The following PYM1 variants were observed in gnomAD, a reference collection of about 807,000 sequenced individuals.
The protein encoded by PYM1 is partner of Y14 and mago.
PYM1 carries 7 observed loss-of-function variants against 20.7 expected under a neutral mutation model. That is an observed-to-expected ratio of 0.34 (90% CI 0.19 to 0.64). PYM1 has a LOEUF of 0.64. Ranked by LOEUF, PYM1 falls within the 30% of genes least tolerant of loss-of-function variation. PYM1 has a pLI of 0.74. For synonymous variants in PYM1, 100 were observed against 99.2 expected, an observed-to-expected ratio of 1.01 and a Z score of -0.05; for missense variants, 194 against 250.0, an observed-to-expected ratio of 0.78 and a Z score of 1.51.
chr12:55,908,934 A>C (rs952521454), intron 1 of PYM1, among the ~76,000 whole-genome samples: 1 of 152,184 alleles, frequency 6.6e-6, no homozygotes. Flanking sequence ...AGAAAGAAAA[A>C]TCATGAGCAA....
chr12:55,904,823 G>A (rs1002621764), intron 1 of PYM1, among the ~76,000 whole-genome samples: 1 of 151,298 alleles, frequency 6.6e-6, no homozygotes, highest in Non-Finnish European at 1.5e-5. Flanking sequence ...GTTGCAGTGA[G>A]TCTCAAAAAA....
At chr12:55,923,198 TG>T (rs1234822224) in intron 1 of PYM1, among the ~76,000 whole-genome samples, 2 of 152,058 alleles carry the variant, frequency 1.3e-5, no homozygotes, top group Admixed American at 6.6e-5. Context: ...CACTCCAGCC[TG>T]GGCAACAAGA....
intron 1 of PYM1, chr12:55,926,949 G>A: frequency 3.0e-6 from 3 of 998,244 alleles, no homozygotes; most frequent in Non-Finnish European, 4.4e-6. Flanking sequence ...AGAATGAATG[G>A]GGAAGGCGGT....
At chr12:55,919,507 A>C (rs895519206) in intron 1 of PYM1, among the ~76,000 whole-genome samples, 1 of 152,166 alleles carries the variant, frequency 6.6e-6, no homozygotes, top group African/African-American at 2.4e-5. Context: ...TAGGTGTTTC[A>C]AGGATTCATA....
chr12:55,906,164 A>G (rs1432489424), intron 1 of PYM1, among the ~76,000 whole-genome samples: 1 of 148,332 alleles, frequency 6.7e-6, no homozygotes, highest in African/African-American at 2.5e-5. Flanking sequence ...TTTTTTTTTC[A>G]AGTAAAAAAT....
intron 1 of PYM1, among the ~76,000 whole-genome samples, chr12:55,905,889 T>A (rs1402143323): frequency 5.6e-5 from 4 of 71,386 alleles, no homozygotes; most frequent in Admixed American, 1.7e-4. Context: ...GATATATATA[T>A]TATTATATAT....
Position 55,903,418 on chromosome 12 carries a change from C to T in PYM1, c.100G>A (p.Glu34Lys). 1 of 1,614,128 alleles carries T rather than the reference C, an allele frequency of 6.2e-7. No homozygotes were observed. The highest frequency in any genetic ancestry group is 8.5e-7 in the Non-Finnish European group (1 of 1,180,032). Residue 34 changes from glutamate (E) to lysine (K), a missense_variant, in exon 2 of 3, where the codon GAA becomes AAA. This residue lies in a region of PYM1 where 17 missense variants were observed against 53.1 expected (regional missense o/e 0.32). Transcript: ENST00000408946. Reference sequence around the variant, plus strand: ...ACCTCCTCCTGGGGCACATATCCTTCTTTCACCCTCCGCTGCTTGCGCCAG... The same window carrying T: ...ACCTCCTCCTGGGGCACATATCCTTTTTTCACCCTCCGCTGCTTGCGCCAG... Reference protein sequence around the residue: ...GTWRKQRRVKEGYVPQEEVPV... With the variant: ...GTWRKQRRVKKGYVPQEEVPV...
At chr12:55,906,895 G>A (rs1054799833) in intron 1 of PYM1, among the ~76,000 whole-genome samples, 7 of 151,768 alleles carry the variant, frequency 4.6e-5, no homozygotes, top group African/African-American at 1.2e-4. Flanking sequence ...TGATCCACCC[G>A]CCTCGGCCTC....
chr12:55,901,908 T>C lies in PYM1; in HGVS notation c.579A>G (p.Leu193=), dbSNP rs775406472. 6 of 1,613,358 alleles carry C rather than the reference T, an allele frequency of 3.7e-6. No homozygotes were observed. The highest frequency in any genetic ancestry group is 1.6e-4 in the Middle Eastern group (1 of 6,076). Residue 193 remains leucine, a synonymous_variant, in exon 3 of 3, where the codon CTA becomes CTG. Coordinates refer to ENST00000408946, the MANE Select transcript of PYM1 (RefSeq NM_032345.3). ...ACTCCAAGTCCTCTAACTCCTCTTC[T>C]AGCGCCCTCCTCCTTGCTAGCTTTT... ...QLEKLARRRA[L]EEELEDLELG... is the part of the protein sequence containing the mutation.
At chr12:55,926,653 G>C (rs1883192775) in intron 1 of PYM1, among the ~76,000 whole-genome samples, 1 of 152,108 alleles carries the variant, frequency 6.6e-6, no homozygotes, top group Non-Finnish European at 1.5e-5. Flanking sequence ...AAAGCTTCGA[G>C]AAAAATAATG....
At chr12:55,927,344 AAC>A (rs777640366) in intron 1 of PYM1, 34 of 740,508 alleles carry the variant, frequency 4.6e-5, no homozygotes, top group Middle Eastern at 2.3e-4. Flanking sequence ...CTGCCTGTAA[AAC>A]AGTCCTCAGG....
chr12:55,918,829 C>CT (rs1883051955), intron 1 of PYM1, among the ~76,000 whole-genome samples: 1 of 152,222 alleles, frequency 6.6e-6, no homozygotes, highest in African/African-American at 2.4e-5. Flanking sequence ...GATTGCACCA[C>CT]TGCACTCCAG....
At position 55,903,491 on chromosome 12, in the gene PYM1, A is replaced by C. The variant is rs759720939; in HGVS notation, c.38-11T>G. The stretch of plus-strand genomic sequence containing the variant: ...ACGCGATATACTTGCCTAAAATAAG[A>C]AAAATCAAGTTGAAAATTACTCTTA... On this transcript the variant is annotated splice_polypyrimidine_tract_variant and intron_variant, in intron 1 of 2. Transcript: ENST00000408946. The C allele has an allele frequency of 6.2e-7, 1 of 1,612,876 alleles. No homozygotes were observed. Among genetic ancestry groups the C allele is most frequent in the East Asian group, 2.2e-5 (1 of 44,874 alleles).
intron 1 of PYM1, among the ~76,000 whole-genome samples, chr12:55,904,609 A>G (rs1486918494): frequency 6.8e-6 from 1 of 146,076 alleles, no homozygotes; most frequent in Non-Finnish European, 1.5e-5. Flanking sequence ...AAAAAAAAAA[A>G]AAAAAAAAAA....
At chr12:55,915,386 T>C (rs1171153759) in intron 1 of PYM1, among the ~76,000 whole-genome samples, 1 of 151,072 alleles carries the variant, frequency 6.6e-6, no homozygotes, top group Non-Finnish European at 1.5e-5. Context: ...GAGGCCAGAC[T>C]ACAAATTAAA....
intron 1 of PYM1, chr12:55,927,461 A>G (rs1883214627): frequency 1.4e-6 from 1 of 692,998 alleles, no homozygotes; most frequent in African/African-American, 1.8e-5. Flanking sequence ...GCACCCAAAA[A>G]GGGGGCCTTA....
At chr12:55,902,723 G>T (rs1029320678) in intron 2 of PYM1, among the ~76,000 whole-genome samples, 1 of 150,430 alleles carries the variant, frequency 6.6e-6, no homozygotes, top group East Asian at 2.0e-4. Context: ...GTGATCCACC[G>T]ATCTTGGCCT....
intron 1 of PYM1, among the ~76,000 whole-genome samples, chr12:55,921,286 CTTTA>C (rs1883093572): frequency 1.3e-5 from 2 of 152,062 alleles, no homozygotes; most frequent in African/African-American, 4.8e-5. Flanking sequence ...ATGTAAATTA[CTTTA>C]TTTAAATTTT....
chr12:55,906,027 C>G (rs1203143706), intron 1 of PYM1, among the ~76,000 whole-genome samples: 1 of 142,426 alleles, frequency 7.0e-6, no homozygotes, highest in African/African-American at 2.6e-5. Flanking sequence ...TAATTTTCAC[C>G]TAAGTGTTTG....
Sources: gnomAD v4.1 joint callset for allele counts (sites outside exome capture counted in the v4.1 genomes callset) on GRCh38, gnomAD v4.1.1 for gene constraint, gnomAD v4.1.1 regional missense constraint, MANE v1.5 for transcripts, NCBI Gene and HGNC (gene_info 2026-07-23, HGNC 2026-07-21) for gene names.